The following ZNF366 variants were observed in gnomAD, a reference collection of about 807,000 sequenced individuals.
ZNF366 encodes zinc finger protein 366, also known as dendritic cell-specific transcript protein.
Under a neutral mutation model 47.2 loss-of-function variants are expected in ZNF366, and 20 were observed. The ratio of observed to expected loss-of-function variants is 0.42; its 90% CI spans 0.30 to 0.62. The LOEUF (loss-of-function observed/expected upper bound fraction) is 0.62, where lower values mean the gene tolerates loss of function less well. Ranked by LOEUF, ZNF366 falls within the 20% of genes least tolerant of loss-of-function variation. ZNF366 has a pLI of 0.16. For synonymous variants in ZNF366, 421 were observed against 395.1 expected, an observed-to-expected ratio of 1.07 and a Z score of -0.78; for missense variants, 987 against 976.3, an observed-to-expected ratio of 1.01 and a Z score of -0.15.
chr5:72,484,211 G>A (rs746696776), intron 1 of ZNF366, among the ~76,000 whole-genome samples: 4 of 152,024 alleles, frequency 2.6e-5, no homozygotes, highest in African/African-American at 4.8e-5. Flanking sequence ...ATCGCCGGGC[G>A]CGGTGGCTCA....
At chr5:72,449,081 C>T (rs1743012255) in intron 3 of ZNF366, among the ~76,000 whole-genome samples, 1 of 152,142 alleles carries the variant, frequency 6.6e-6, no homozygotes, top group South Asian at 2.1e-4. Context: ...CTAATTCCAA[C>T]TTTCTCAAGA....
At chr5:72,480,515 A>G (rs1429550965) in intron 1 of ZNF366, among the ~76,000 whole-genome samples, 3 of 152,066 alleles carry the variant, frequency 2.0e-5, no homozygotes, top group Admixed American at 2.0e-4. Context: ...TAACAGGTTG[A>G]TTCTGATTTA....
rs45446498 is a variant in ZNF366, at chr5:72,442,054, A to C, written c.*1702T>G. 129,605 of 151,792 alleles carry C rather than the reference A, an allele frequency of 0.85. 55,510 individuals carry two copies. The highest frequency in any genetic ancestry group is 0.96 in the East Asian group (4,978 of 5,160). The allele number at this position is 151,792 out of a possible 1,614,324, so 9.4% of individuals were successfully genotyped here. A position where few individuals can be genotyped will look rare whatever the true frequency, so the allele number is the denominator to read the frequency against. ...ACCATAGGCCAGTCATGCATTTTTT[A>C]AACATAGTAAGTGACCATAAACATC... On this transcript the variant is annotated 3_prime_UTR_variant, in exon 5 of 5. Coordinates refer to ENST00000318442, the MANE Select transcript of ZNF366 (RefSeq NM_152625.3).
At chr5:72,445,144 C>T (rs1450333704) in intron 4 of ZNF366, among the ~76,000 whole-genome samples, 2 of 152,162 alleles carry the variant, frequency 1.3e-5, no homozygotes, top group East Asian at 3.9e-4. Context: ...CTCCAGTGTC[C>T]CTGCTGTTGG....
chr5:72,484,457 C>A (rs1240463666), intron 1 of ZNF366, among the ~76,000 whole-genome samples: 1 of 145,170 alleles, frequency 6.9e-6, no homozygotes, highest in Admixed American at 6.9e-5. Context: ...GCACTCCAGC[C>A]TGGGCGACAG....
chr5:72,495,344 A>C (rs1744092466), intron 1 of ZNF366, among the ~76,000 whole-genome samples: 1 of 152,154 alleles, frequency 6.6e-6, no homozygotes, highest in African/African-American at 2.4e-5. Context: ...AGGGGATGCT[A>C]TTTTATACCT....
intron 1 of ZNF366, among the ~76,000 whole-genome samples, chr5:72,489,870 C>T (rs753826058): frequency 2.0e-5 from 3 of 152,168 alleles, no homozygotes; most frequent in Non-Finnish European, 2.9e-5. Context: ...AATTTCCAAC[C>T]ACAGATAATG....
chr5:72,471,174 C>G (rs900093146), intron 1 of ZNF366, among the ~76,000 whole-genome samples: 1 of 152,178 alleles, frequency 6.6e-6, no homozygotes, highest in African/African-American at 2.4e-5. Flanking sequence ...TGTGGAAAAG[C>G]CCATCCTCAT....
At position 72,455,974 on chromosome 5, in the gene ZNF366, G is replaced by A. The variant is rs549019860; in HGVS notation, c.1524+430C>T. On this transcript the variant is annotated intron_variant, in intron 3 of 4. Coordinates refer to ENST00000318442, the MANE Select transcript of ZNF366 (RefSeq NM_152625.3). ...GGAGAGGAGGTGGCGGTGGGTGGGG[G>A]GGAAGCTGTGCTAGAAGCTTCTCTG... Among the ~76,000 whole-genome samples the A allele has an allele frequency of 2.6e-5, 4 of 152,264 alleles. No individual in the cohort carries two copies. The South Asian group carries it at 8.3e-4, about 32-fold the overall frequency.
At chr5:72,449,267 A>G (rs1428331614) in intron 3 of ZNF366, among the ~76,000 whole-genome samples, 1 of 139,786 alleles carries the variant, frequency 7.2e-6, no homozygotes, top group Non-Finnish European at 1.5e-5. Context: ...TTTTTTTGAG[A>G]TGGAGTCTCG....
intron 3 of ZNF366, among the ~76,000 whole-genome samples, chr5:72,448,368 G>T (rs1743000257): frequency 1.3e-5 from 2 of 152,180 alleles, no homozygotes; most frequent in South Asian, 2.1e-4. Flanking sequence ...GCTTTTGGAA[G>T]AGGAGCAGAA....
chr5:72,463,693 G>A (rs994457600), intron 1 of ZNF366, among the ~76,000 whole-genome samples: 9 of 152,190 alleles, frequency 5.9e-5, no homozygotes, highest in African/African-American at 1.9e-4. Context: ...AATGAGAGTC[G>A]TGCTGCGCTA....
chr5:72,471,621 G>T (rs1294922657), intron 1 of ZNF366, among the ~76,000 whole-genome samples: 1 of 152,174 alleles, frequency 6.6e-6, no homozygotes, highest in Non-Finnish European at 1.5e-5. Context: ...GCTGTTCAGT[G>T]CCTGGGTGGA....
At chr5:72,486,927 G>A (rs566819058) in intron 1 of ZNF366, among the ~76,000 whole-genome samples, 24 of 152,132 alleles carry the variant, frequency 1.6e-4, no homozygotes, top group African/African-American at 5.8e-4. Context: ...ACAGGCGCCT[G>A]CCACCACGCC....
chr5:72,482,994 G>A (rs1743819185), intron 1 of ZNF366, among the ~76,000 whole-genome samples: 1 of 152,084 alleles, frequency 6.6e-6, no homozygotes, highest in Non-Finnish European at 1.5e-5. Context: ...AATGCAAAAG[G>A]AAAACATTTC....
intron 1 of ZNF366, among the ~76,000 whole-genome samples, chr5:72,491,957 T>C (rs1744019059): frequency 6.6e-6 from 1 of 152,072 alleles, no homozygotes; most frequent in African/African-American, 2.4e-5. Flanking sequence ...GGGATGGTGG[T>C]GGTGGAGGAG....
At chr5:72,445,275 TAGTC>T (rs1742936104) in intron 4 of ZNF366, among the ~76,000 whole-genome samples, 1 of 152,026 alleles carries the variant, frequency 6.6e-6, no homozygotes, top group Non-Finnish European at 1.5e-5. Context: ...GATGAGCCAA[TAGTC>T]AGGCCTCCAG....
chr5:72,503,544 C>A (rs562252158), intron 1 of ZNF366, among the ~76,000 whole-genome samples: 2 of 152,164 alleles, frequency 1.3e-5, no homozygotes, highest in South Asian at 4.2e-4. Flanking sequence ...CACACACACA[C>A]ACACACACAC....
At chr5:72,484,086 G>T (rs963984755) in intron 1 of ZNF366, among the ~76,000 whole-genome samples, 1 of 152,126 alleles carries the variant, frequency 6.6e-6, no homozygotes, top group Admixed American at 6.5e-5. Context: ...ACAGATCCAT[G>T]ACATCATATT....
Sources: gnomAD v4.1 joint callset for allele counts (sites outside exome capture counted in the v4.1 genomes callset) on GRCh38, gnomAD v4.1.1 for gene constraint, MANE v1.5 for transcripts, NCBI Gene and HGNC (gene_info 2026-07-23, HGNC 2026-07-21) for gene names.